The following C4orf36 variants were observed in gnomAD, a reference collection of about 807,000 sequenced individuals.
C4orf36 encodes the protein uncharacterized protein C4orf36.
A neutral mutation model predicts 12.2 loss-of-function variants in C4orf36; 11 were observed. The ratio of observed to expected loss-of-function variants is 0.90; its 90% CI spans 0.57 to 1.49. The LOEUF is 1.49. C4orf36 is among the 40% of genes most tolerant of loss of function. C4orf36 has a pLI of 0.00. For missense variants in C4orf36, 137 were observed against 133.9 expected, an observed-to-expected ratio of 1.02 and a Z score of -0.11; for synonymous variants, 54 against 51.3, an observed-to-expected ratio of 1.05 and a Z score of -0.22.
chr4:86,876,258 T>C lies in C4orf36; in HGVS notation c.*188A>G. ...TGTTTAAAAAGAGAAACAAACTGAG[T>C]TCCACTGAAATTAAGAGATTTTCTC... On this transcript the variant is annotated 3_prime_UTR_variant, in exon 5 of 5. Coordinates refer to ENST00000295898, the MANE Select transcript of C4orf36 (RefSeq NM_144645.4). The C allele has an allele frequency of 1.6e-6, 1 of 617,470 alleles. No homozygotes were observed. The highest frequency in any genetic ancestry group is 2.6e-6 in the Non-Finnish European group (1 of 387,226). The allele number at this position is 617,470 out of a possible 1,614,324, so 38.2% of individuals were successfully genotyped here.
chr4:86,878,994 G>T (rs552717169), intron 4 of C4orf36, among the ~76,000 whole-genome samples: 1 of 152,244 alleles, frequency 6.6e-6, no homozygotes, highest in Non-Finnish European at 1.5e-5. Context: ...TAGCCAGGCT[G>T]ACTGGTGAAG....
chr4:86,879,613 C>G (rs917839226), intron 4 of C4orf36, among the ~76,000 whole-genome samples: 2 of 152,072 alleles, frequency 1.3e-5, no homozygotes, highest in Non-Finnish European at 2.9e-5. Flanking sequence ...GACTAGCAAG[C>G]CTACTTGAAG....
At chr4:86,896,201 T>TAA (rs1747585931), upstream of C4orf36, among the ~76,000 whole-genome samples, 1 of 152,232 alleles carries the variant, frequency 6.6e-6, no homozygotes, top group South Asian at 2.1e-4. Context: ...TGCCTTATTC[T>TAA]AATTTTTGTG....
intron 4 of C4orf36, 77 bp from the exon 5 acceptor site, chr4:86,876,520 T>G: frequency 6.2e-7 from 1 of 1,613,870 alleles, no homozygotes; most frequent in South Asian, 1.1e-5. Flanking sequence ...AGATTAGAAA[T>G]GTCGGATTGT....
chr4:86,902,729 T>A, the C4orf36 span, among the ~76,000 whole-genome samples: 1 of 152,210 alleles, frequency 6.6e-6, no homozygotes, highest in East Asian at 1.9e-4. Context: ...CTGCTGCTTC[T>A]GACACCTGTG....
At chr4:86,934,448 T>A in the C4orf36 span, 1 of 152,230 alleles carries the variant, frequency 6.6e-6, no homozygotes, top group Admixed American at 6.5e-5. Context: ...TGGTTTCCCA[T>A]GCCACTTAGT....
chr4:86,903,231 G>A, the C4orf36 span, among the ~76,000 whole-genome samples: 935 of 152,328 alleles, frequency 6.1e-3, 7 homozygotes, highest in Non-Finnish European at 0.01. Flanking sequence ...AAGTGGCCAG[G>A]CCCGGTGGCT....
At chr4:86,914,838 A>G in the C4orf36 span, 1 of 447,916 alleles carries the variant, frequency 2.2e-6, no homozygotes, top group South Asian at 1.7e-5. Context: ...TTTTCAAAGG[A>G]GAGAAAGCTG....
At chr4:86,904,299 T>G in the C4orf36 span, among the ~76,000 whole-genome samples, 1 of 152,112 alleles carries the variant, frequency 6.6e-6, no homozygotes, top group Non-Finnish European at 1.5e-5. Flanking sequence ...CTCTTCACAC[T>G]TCCCCGCGAG....
the C4orf36 span, chr4:86,913,925 C>T: frequency 2.8e-4 from 383 of 1,372,786 alleles, 4 homozygotes; most frequent in African/African-American, 4.9e-3. Context: ...CCCGGGCTCA[C>T]GCCATTCTCC....
At chr4:86,889,966 G>A (rs950067596) in intron 2 of C4orf36, 7 of 426,588 alleles carry the variant, frequency 1.6e-5, no homozygotes, top group Non-Finnish European at 4.7e-6. Flanking sequence ...AGACCAAGGT[G>A]GATCACTTGA....
the C4orf36 span, among the ~76,000 whole-genome samples, chr4:86,932,041 A>T: frequency 4.1e-5 from 1 of 24,350 alleles, no homozygotes; most frequent in East Asian, 1.2e-3. Flanking sequence ...TCTCAAAAAG[A>T]AAAAAAAAAA....
chr4:86,906,259 A>G, the C4orf36 span, among the ~76,000 whole-genome samples: 1 of 152,240 alleles, frequency 6.6e-6, no homozygotes, highest in East Asian at 1.9e-4. Flanking sequence ...GCATGTTTCT[A>G]TTTCTCTCTA....
chr4:86,923,763 CAAAAA>C, the C4orf36 span, among the ~76,000 whole-genome samples: 1 of 62,414 alleles, frequency 1.6e-5, no homozygotes. Flanking sequence ...GACTCTGTCT[CAAAAA>C]AAAAAAAAAA....
At chr4:86,935,837 G>A in the C4orf36 span, 1 of 152,336 alleles carries the variant, frequency 6.6e-6, no homozygotes, top group Middle Eastern at 3.4e-3. Flanking sequence ...GGCGTCTTTA[G>A]TATGGGACTG....
At chr4:86,909,764 C>G in the C4orf36 span, among the ~76,000 whole-genome samples, 1 of 152,040 alleles carries the variant, frequency 6.6e-6, no homozygotes, top group Non-Finnish European at 1.5e-5. Context: ...GCAAGACTTA[C>G]AGTAAATAAA....
intron 4 of C4orf36, among the ~76,000 whole-genome samples, chr4:86,884,965 T>G (rs1172148213): frequency 6.6e-6 from 1 of 152,216 alleles, no homozygotes; most frequent in African/African-American, 2.4e-5. Flanking sequence ...AGGGAATCCT[T>G]TCCCCATTGT....
At chr4:86,912,311 G>A in the C4orf36 span, among the ~76,000 whole-genome samples, 1 of 152,202 alleles carries the variant, frequency 6.6e-6, no homozygotes. Flanking sequence ...ATGAGCCACT[G>A]TGCCCAGCCG....
the C4orf36 span, chr4:86,926,255 C>A: frequency 1.3e-5 from 2 of 152,256 alleles, no homozygotes; most frequent in African/African-American, 4.8e-5. Flanking sequence ...TACTTCCATC[C>A]TGTCATGCTG....
Sources: allele counts gnomAD v4.1 joint callset (sites outside exome capture counted in the v4.1 genomes callset), GRCh38; gene constraint gnomAD v4.1.1; transcripts MANE v1.5; gene names NCBI Gene and HGNC (gene_info 2026-07-23, HGNC 2026-07-21).